Variants in EVI5 observed in about 807,000 individuals in gnomAD.
EVI5 encodes ecotropic viral integration site 5 protein homolog.
A neutral mutation model predicts 112.0 loss-of-function variants in EVI5; 73 were observed. That is an observed-to-expected ratio of 0.65 (90% CI 0.54 to 0.79). EVI5 has a LOEUF of 0.79. Among genes scored for constraint, EVI5 ranks in the 30% least tolerant of loss-of-function variants. The pLI, the probability that EVI5 is intolerant of heterozygous loss-of-function variation, is 0.00. For missense variants in EVI5, 900 were observed against 968.8 expected (o/e 0.93, Z 0.94); for synonymous variants, 305 against 319.9 (o/e 0.95, Z 0.50).
chr1:92,699,014 C>T lies in EVI5; in HGVS notation c.640-1029G>A, dbSNP rs556148081. 7.0e-4 allele frequency among the ~76,000 whole-genome samples: 107 copies of T among 152,254 alleles called. 1 individual carries two copies. Among genetic ancestry groups the T allele is most frequent in the African/African-American group, 2.6e-3 (106 of 41,548 alleles). The stretch of plus-strand genomic sequence containing the variant: ...CTAATTCTCATTCATTCCCGTTATA[C>T]CAGTGTGTTTCAAAAGAGAACATCC... On this transcript the variant is annotated intron_variant, in intron 5 of 19. Coordinates refer to ENST00000684568, the MANE Select transcript of EVI5 (RefSeq NM_001350197.2).
chr1:92,747,740 C>T (rs1345645560), intron 1 of EVI5, among the ~76,000 whole-genome samples: 5 of 63,964 alleles, frequency 7.8e-5, no homozygotes, highest in Non-Finnish European at 1.8e-4. Flanking sequence ...AAAAAAAAAA[C>T]CACCCAGAAA....
rs2391199 is a variant in EVI5, at chr1:92,695,345, T to C, written c.874A>G (p.Ile292Val). The C allele has an allele frequency of 0.91, 1,468,006 of 1,610,852 alleles. 669,658 individuals are homozygous for C. The highest frequency in any genetic ancestry group is 0.97 in the East Asian group (43,642 of 44,836). ...TIFLTTFPLP[I>V]ATRIFDIFMS... is the part of the protein sequence containing the mutation. The stretch of plus-strand genomic sequence containing the variant: ...AAGATATCAAATATCCTTGTTGCAA[T>C]TGGTAGTGGAAAAGTTGTAAGAAAG... Residue 292 changes from isoleucine to valine, a missense_variant, in exon 7 of 20, where the codon ATT (isoleucine) becomes GTT (valine). Coordinates refer to ENST00000684568, the MANE Select transcript of EVI5 (RefSeq NM_001350197.2).
chr1:92,556,521 G>C (rs1029891754), intron 19 of EVI5, among the ~76,000 whole-genome samples: 1 of 151,914 alleles, frequency 6.6e-6, no homozygotes, highest in Non-Finnish European at 1.5e-5. Context: ...TAAACAAAAC[G>C]ACATTATTCA....
intron 19 of EVI5, among the ~76,000 whole-genome samples, chr1:92,556,065 CT>C (rs771124421): frequency 2.1e-3 from 300 of 140,770 alleles, no homozygotes; most frequent in Middle Eastern, 3.6e-3. Context: ...TTCTTTCTTT[CT>C]TTTTTTTTTT....
intron 18 of EVI5, among the ~76,000 whole-genome samples, chr1:92,595,037 C>A (rs980942104): frequency 7.2e-5 from 11 of 151,876 alleles, no homozygotes; most frequent in Non-Finnish European, 1.0e-4. Flanking sequence ...ACTAGAAATA[C>A]CATTTGACCC....
chr1:92,681,750 T>C (rs926080117), intron 9 of EVI5, among the ~76,000 whole-genome samples: 12 of 152,212 alleles, frequency 7.9e-5, no homozygotes, highest in Non-Finnish European at 1.8e-4. Context: ...GCTAGATCTG[T>C]ATTGTCCAAT....
At chr1:92,568,049 TAA>T (rs1669760727) in intron 18 of EVI5, among the ~76,000 whole-genome samples, 1 of 152,080 alleles carries the variant, frequency 6.6e-6, no homozygotes, top group African/African-American at 2.4e-5. Context: ...CATGGAACAA[TAA>T]AGTCTCTTTA....
chr1:92,607,509 C>G, intron 17 of EVI5, 72 bp downstream of exon 17: 5 of 1,049,340 alleles, frequency 4.8e-6, no homozygotes, highest in Non-Finnish European at 6.6e-6. Flanking sequence ...ATAATCTAAT[C>G]ACGATAAAAC....
chr1:92,727,599 C>T (rs1478221287), intron 2 of EVI5, among the ~76,000 whole-genome samples: 1 of 151,800 alleles, frequency 6.6e-6, no homozygotes, highest in African/African-American at 2.4e-5. Flanking sequence ...TAAATGTGAG[C>T]AAAAAATAAA....
At chr1:92,761,523 T>C (rs1681872115) in intron 1 of EVI5, among the ~76,000 whole-genome samples, 1 of 152,222 alleles carries the variant, frequency 6.6e-6, no homozygotes, top group Non-Finnish European at 1.5e-5. Flanking sequence ...GCATACATCG[T>C]TATGTCTCCC....
intron 3 of EVI5, 76 bp downstream of exon 3, chr1:92,704,479 T>C (rs1479532264): frequency 1.1e-5 from 10 of 950,420 alleles, no homozygotes; most frequent in East Asian, 2.5e-5. Flanking sequence ...TTGGGGTTTT[T>C]TTCCCAATCC....
rs111337944 is a variant in EVI5 at position 92,518,087 on chromosome 1, G to A, written c.2167-4117C>T. ...AAACTTTTGTATTTTTTGTAGAGACGGGGTTTCGCCATTGTTGCCCAGCTG... is the reference window on the plus strand; with the variant it reads ...AAACTTTTGTATTTTTTGTAGAGACAGGGTTTCGCCATTGTTGCCCAGCTG... On this transcript the variant is annotated intron_variant, in intron 19 of 19. Transcript: ENST00000684568. Among the ~76,000 whole-genome samples, 38 of 151,842 alleles carry A rather than the reference G, an allele frequency of 2.5e-4. 1 individual carries two copies. The highest frequency in any genetic ancestry group is 8.5e-4 in the African/African-American group (35 of 41,406).
intron 18 of EVI5, chr1:92,580,614 A>T (rs1671788989): frequency 5.4e-6 from 1 of 184,144 alleles, no homozygotes; most frequent in African/African-American, 2.7e-5. Flanking sequence ...AGGTGCCAAA[A>T]CATGCTTTTT....
At chr1:92,747,646 G>A (rs958492570) in intron 1 of EVI5, among the ~76,000 whole-genome samples, 12 of 145,774 alleles carry the variant, frequency 8.2e-5, no homozygotes, top group Non-Finnish European at 1.3e-4. Context: ...CCCGGAAGGC[G>A]GAGGTTGCAG....
intron 2 of EVI5, among the ~76,000 whole-genome samples, chr1:92,730,836 T>A (rs1039733493): frequency 1.3e-5 from 2 of 152,140 alleles, no homozygotes; most frequent in African/African-American, 2.4e-5. Flanking sequence ...TACAGGAGGT[T>A]CCCAGTTAGT....
At chr1:92,743,609 A>T (rs749249151) in intron 1 of EVI5, among the ~76,000 whole-genome samples, 18 of 152,272 alleles carry the variant, frequency 1.2e-4, no homozygotes, top group South Asian at 4.1e-4. Context: ...GTGGTTGTAC[A>T]ACAATATGAA....
chr1:92,525,267 CTTT>C (rs745392747), intron 19 of EVI5, among the ~76,000 whole-genome samples: 5 of 104,400 alleles, frequency 4.8e-5, no homozygotes, highest in Non-Finnish European at 3.5e-5. Flanking sequence ...ATGACAATGC[CTTT>C]TTTTTTTTTT....
intron 16 of EVI5, 87 bp downstream of exon 16, chr1:92,624,089 T>C: frequency 1.7e-6 from 2 of 1,196,104 alleles, no homozygotes; most frequent in Non-Finnish European, 1.2e-6. Flanking sequence ...TTACCTTTTA[T>C]CTCTGTTCTA....
rs557893056 is a variant in EVI5 at position 92,749,270 on chromosome 1, C to T, written c.-81-12643G>A. Reference sequence around the variant, plus strand: ...GTTTTACCACTGGTGCATCTGCTGGCAGTTAGCTTTGTACCAGCCATGGTA... The same window carrying T: ...GTTTTACCACTGGTGCATCTGCTGGTAGTTAGCTTTGTACCAGCCATGGTA... On this transcript the variant is annotated intron_variant, in intron 1 of 19. Coordinates refer to ENST00000684568, the MANE Select transcript of EVI5 (RefSeq NM_001350197.2). 1.8e-4 allele frequency: 58 copies of T among 326,478 alleles called. 1 individual carries two copies. Among genetic ancestry groups the T allele is most frequent in the South Asian group, 1.4e-3 (55 of 38,360 alleles). The allele number at this position is 326,478 out of a possible 1,614,324, so 20.2% of individuals were successfully genotyped here. A position where few individuals can be genotyped will look rare whatever the true frequency, so the allele number is the denominator to read the frequency against.
Sources: gnomAD v4.1 joint callset for allele counts (sites outside exome capture counted in the v4.1 genomes callset) on GRCh38, gnomAD v4.1.1 for gene constraint, MANE v1.5 for transcripts, NCBI Gene and HGNC (gene_info 2026-07-23, HGNC 2026-07-21) for gene names.